The following HDAC9 variants were observed in gnomAD, a reference collection of about 807,000 sequenced individuals.
HDAC9 encodes the protein histone deacetylase 9, also known as MEF-2 interacting transcription repressor (MITR) protein.
In HDAC9, 41 loss-of-function variants were observed where a neutral mutation model predicts 139.4. The ratio of observed to expected loss-of-function variants is 0.29; its 90% CI spans 0.23 to 0.38. The LOEUF is 0.38. Ranked by LOEUF, HDAC9 falls within the 10% of genes least tolerant of loss-of-function variation. The probability of loss-of-function intolerance (pLI) is 1.00; values close to 1 mark genes in which losing one functional copy is unlikely to be tolerated. For missense variants in HDAC9, 1,147 were observed against 1,297.0 expected, an observed-to-expected ratio of 0.88 and a Z score of 1.78; for synonymous variants, 517 against 476.2, an observed-to-expected ratio of 1.09 and a Z score of -1.12.
chr7:18,572,957 G>T (rs564561383), intron 2 of HDAC9, among the ~76,000 whole-genome samples: 1 of 152,352 alleles, frequency 6.6e-6, no homozygotes, highest in East Asian at 1.9e-4. Context: ...TTTGCAGACA[G>T]GGAGTTTGGA....
intron 7 of HDAC9, among the ~76,000 whole-genome samples, chr7:18,632,235 T>C (rs758871995): frequency 3.9e-5 from 6 of 151,922 alleles, no homozygotes; most frequent in Non-Finnish European, 8.8e-5. Flanking sequence ...ATAAACCAGA[T>C]ATATAGACAG....
At chr7:18,641,699 C>T (rs1334513632) in intron 8 of HDAC9, among the ~76,000 whole-genome samples, 2 of 151,518 alleles carry the variant, frequency 1.3e-5, no homozygotes, top group East Asian at 3.9e-4. Context: ...TTCAAAACTT[C>T]TTCTTGGAAA....
At chr7:18,470,625 G>A (rs937314861) in intron 1 of HDAC9, among the ~76,000 whole-genome samples, 4 of 152,114 alleles carry the variant, frequency 2.6e-5, no homozygotes, top group African/African-American at 7.2e-5. Flanking sequence ...TATGGCCTCT[G>A]CTACAAGGAT....
At chr7:18,347,160 A>G (rs564118843) in intron 1 of HDAC9, among the ~76,000 whole-genome samples, 71 of 152,304 alleles carry the variant, frequency 4.7e-4, no homozygotes, top group African/African-American at 1.4e-3. Context: ...ACATTTTCCA[A>G]TCCTAGTTAC....
At chr7:18,258,977 T>TAAA (rs1795463720) in intron 2 of HDAC9, among the ~76,000 whole-genome samples, 1 of 96,776 alleles carries the variant, frequency 1.0e-5, no homozygotes, top group African/African-American at 4.9e-5. Context: ...TTTTTTTTTT[T>TAAA]TTTTTTTTTT....
rs144696624 is a variant in HDAC9 at position 18,708,697 on chromosome 7, A to G, written c.1732-18883A>G. On this transcript the variant is annotated intron_variant, in intron 12 of 25. Transcript: ENST00000686413. ...GAATGGTGAAAGGTTTGGGCTGTGAATGGAATATTGGACGGCAAGATTCTA... is the reference window on the plus strand; with the variant it reads ...GAATGGTGAAAGGTTTGGGCTGTGAGTGGAATATTGGACGGCAAGATTCTA... Among the ~76,000 whole-genome samples, 194 of 152,266 alleles carry G rather than the reference A, an allele frequency of 1.3e-3. 1 individual carries two copies. Among genetic ancestry groups the G allele is most frequent in the African/African-American group, 4.6e-3 (193 of 41,562 alleles).
rs1054570325 is a variant in HDAC9, at chr7:18,643,343, A to G, written c.913-1328A>G. Among the ~76,000 whole-genome samples the G allele has an allele frequency of 3.9e-5, 6 of 152,170 alleles. No homozygotes were observed. The South Asian group carries it at 6.2e-4, about 16-fold the overall frequency. ...AAAGGGCTGCATATAAAGTCAATGTAATGTTATTGCTTTCAACATACCTCT... is the reference window on the plus strand; with the variant it reads ...AAAGGGCTGCATATAAAGTCAATGTGATGTTATTGCTTTCAACATACCTCT... On this transcript the variant is annotated intron_variant, in intron 8 of 25. Transcript: ENST00000686413.
chr7:18,353,147 T>TTAGA (rs1782984488), intron 1 of HDAC9, among the ~76,000 whole-genome samples: 1 of 152,158 alleles, frequency 6.6e-6, no homozygotes, highest in Non-Finnish European at 1.5e-5. Flanking sequence ...CATGACCCTG[T>TTAGA]GTTATGATAC....
At chr7:18,109,877 T>C (rs1418208502) in intron 1 of HDAC9, among the ~76,000 whole-genome samples, 1 of 152,190 alleles carries the variant, frequency 6.6e-6, no homozygotes, top group East Asian at 1.9e-4. Flanking sequence ...TTCTGAGCAG[T>C]TTCTTAGTCA....
chr7:18,372,572 T>A (rs1369741753), intron 1 of HDAC9, among the ~76,000 whole-genome samples: 1 of 152,220 alleles, frequency 6.6e-6, no homozygotes, highest in Non-Finnish European at 1.5e-5. Flanking sequence ...CATTCTTGAA[T>A]GGTTTAAAAT....
At chr7:18,506,692 A>G (rs1441189898) in intron 2 of HDAC9, among the ~76,000 whole-genome samples, 16 of 152,214 alleles carry the variant, frequency 1.1e-4, no homozygotes, top group Admixed American at 1.0e-3. Context: ...AGTATACATC[A>G]TGAATGACTT....
intron 1 of HDAC9, among the ~76,000 whole-genome samples, chr7:18,145,778 G>A (rs952925342): frequency 6.6e-5 from 10 of 152,214 alleles, no homozygotes; most frequent in Non-Finnish European, 1.5e-4. Context: ...TTCAGATACC[G>A]GTGATCTGTC....
At chr7:18,449,683 T>G (rs1289804177) in intron 1 of HDAC9, among the ~76,000 whole-genome samples, 1 of 152,182 alleles carries the variant, frequency 6.6e-6, no homozygotes, top group Admixed American at 6.5e-5. Context: ...CAAAAAATAC[T>G]TTCTCCATTA....
At chr7:18,946,031 C>T (rs139602617) in intron 23 of HDAC9, among the ~76,000 whole-genome samples, 3,763 of 72,644 alleles carry the variant, frequency 0.052, 105 homozygotes, top group African/African-American at 0.13. Flanking sequence ...TACAAGACTC[C>T]GTCTCAAAAA....
chr7:18,339,235 C>G (rs192632526), intron 1 of HDAC9, among the ~76,000 whole-genome samples: 301 of 151,008 alleles, frequency 2.0e-3, no homozygotes, highest in Non-Finnish European at 3.6e-3. Flanking sequence ...TTGATTTTCT[C>G]TATTGTTTTT....
At chr7:18,868,687 G>C (rs1203582042) in intron 21 of HDAC9, among the ~76,000 whole-genome samples, 1 of 152,058 alleles carries the variant, frequency 6.6e-6, no homozygotes, top group Non-Finnish European at 1.5e-5. Context: ...GCCATTAAAA[G>C]TAATGTCATT....
intron 8 of HDAC9, among the ~76,000 whole-genome samples, chr7:18,640,815 G>A (rs1326003353): frequency 6.6e-6 from 1 of 151,894 alleles, no homozygotes; most frequent in Non-Finnish European, 1.5e-5. Flanking sequence ...AAAATCCATC[G>A]TGGGTGCTGC....
intron 6 of HDAC9, among the ~76,000 whole-genome samples, chr7:18,602,258 C>A (rs890768843): frequency 1.3e-5 from 2 of 151,908 alleles, no homozygotes; most frequent in African/African-American, 4.8e-5. Context: ...CATAATATTG[C>A]TTTATTATCC....
intron 2 of HDAC9, among the ~76,000 whole-genome samples, chr7:18,557,110 G>A (rs542365241): frequency 9.2e-4 from 140 of 152,078 alleles, no homozygotes; most frequent in African/African-American, 3.2e-3. Flanking sequence ...CTATAAGTTA[G>A]GAGACAAGGT....
Sources: allele counts gnomAD v4.1 joint callset (sites outside exome capture counted in the v4.1 genomes callset), GRCh38; gene constraint gnomAD v4.1.1; transcripts MANE v1.5; gene names NCBI Gene and HGNC (gene_info 2026-07-23, HGNC 2026-07-21).